Variants in TMX1 observed in about 807,000 individuals in gnomAD.
The protein encoded by TMX1 is thioredoxin-related transmembrane protein 1.
A neutral mutation model predicts 36.6 loss-of-function variants in TMX1; 25 were observed. That is an observed-to-expected ratio of 0.68 (90% CI 0.50 to 0.95). The LOEUF is 0.95. TMX1 is among the 40% of genes least tolerant of loss of function. The pLI is 0.00. For synonymous variants in TMX1, 133 were observed against 118.0 expected, an observed-to-expected ratio of 1.13 and a Z score of -0.82; for missense variants, 347 against 339.6, an observed-to-expected ratio of 1.02 and a Z score of -0.17.
Position 51,254,401 on chromosome 14 carries a change from A to G in TMX1, c.725A>G (p.Asp242Gly), listed in dbSNP as rs781512607. The G allele has an allele frequency of 1.9e-6, 3 of 1,612,512 alleles. No homozygotes were observed. The highest frequency in any genetic ancestry group is 2.5e-6 in the Non-Finnish European group (3 of 1,179,244). ...AAAGTGGAGGAGGAACAAGAGGCGG[A>G]TGAAGAAGATGTTTCAGAAGAAGAA... ...LKKVEEEQEA[D>G]EEDVSEEEAE... The change falls in exon 8 of 8, where the codon GAT (aspartate) becomes GGT (glycine). Residue 242 changes from aspartate (D) to glycine (G), a missense_variant. Physicochemically the swap from Asp to Gly is moderately conservative, Grantham distance 94. Transcript: ENST00000457354.
intron 2 of TMX1, 46 bp downstream of exon 2, chr14:51,244,017 G>T: frequency 6.8e-7 from 1 of 1,463,550 alleles, no homozygotes; most frequent in South Asian, 1.3e-5. Context: ...TGTTTGGGTT[G>T]ATATATTTAT....
chr14:51,249,894 G>T, intron 7 of TMX1, 129 bp downstream of exon 7: 1 of 666,580 alleles, frequency 1.5e-6, no homozygotes, highest in Non-Finnish European at 2.5e-6. Flanking sequence ...GTCTTTATCA[G>T]CTATGGCATA....
At position 51,240,286 on chromosome 14, in the gene TMX1, C is replaced by G. The variant is rs765797441; in HGVS notation, c.-7C>G. ...CCGCGCTCCCTGTGAGGTGGGCAAG[C>G]GGCGAAATGGCGCCCTCCGGGAGTC... On this transcript the variant is annotated 5_prime_UTR_variant, in exon 1 of 8. Coordinates refer to ENST00000457354, the MANE Select transcript of TMX1 (RefSeq NM_030755.5). The G allele has an allele frequency of 3.1e-6, 5 of 1,608,458 alleles. No individual in the cohort carries two copies. The highest frequency in any genetic ancestry group is 2.7e-5 in the African/African-American group (2 of 74,890).
In TMX1 at chr14:51,256,452, A is replaced by G. The variant is rs2065839243; in HGVS notation, c.*1933A>G. 1 of 152,200 alleles carries G rather than the reference A, an allele frequency of 6.6e-6. No individual in the cohort carries two copies. Among genetic ancestry groups the G allele is most frequent in the South Asian group, 2.1e-4 (1 of 4,832 alleles). 9.4% of individuals were successfully genotyped at this position (152,200 alleles called of 1,614,324 possible). On this transcript the variant is annotated 3_prime_UTR_variant, in exon 8 of 8. Coordinates refer to ENST00000457354, the MANE Select transcript of TMX1 (RefSeq NM_030755.5). Reference sequence around the variant, plus strand: ...TGTCACTGTAGACATCTGAGTAATTAATTTTCAGTTAGTAACAGGCTTATA... The same window carrying G: ...TGTCACTGTAGACATCTGAGTAATTGATTTTCAGTTAGTAACAGGCTTATA...
intron 1 of TMX1, among the ~76,000 whole-genome samples, chr14:51,241,327 A>G (rs2065759794): frequency 6.6e-6 from 1 of 152,232 alleles, no homozygotes. Flanking sequence ...TATACATATT[A>G]GCAGTATTTA....
intron 7 of TMX1, among the ~76,000 whole-genome samples, chr14:51,253,317 C>T (rs192599169): frequency 6.6e-5 from 10 of 152,346 alleles, no homozygotes; most frequent in Admixed American, 5.9e-4. Context: ...AGGGCGAGAA[C>T]TTACCCTTGG....
At chr14:51,247,481 C>T (rs1032796785) in intron 4 of TMX1, among the ~76,000 whole-genome samples, 1 of 151,374 alleles carries the variant, frequency 6.6e-6, no homozygotes, top group African/African-American at 2.4e-5. Context: ...CTCAGCCTCC[C>T]GAGTAGCTGG....
At position 51,240,262 on chromosome 14, in the gene TMX1, C is replaced by G. The variant is rs553735530; in HGVS notation, c.-31C>G. On this transcript the variant is annotated 5_prime_UTR_variant, in exon 1 of 8. Coordinates refer to ENST00000457354, the MANE Select transcript of TMX1 (RefSeq NM_030755.5). Reference sequence around the variant, plus strand: ...CGAGGGCGGAAGTGGGAGCTGCGACCGCGCTCCCTGTGAGGTGGGCAAGCG... The same window carrying G: ...CGAGGGCGGAAGTGGGAGCTGCGACGGCGCTCCCTGTGAGGTGGGCAAGCG... 34 of 1,602,016 alleles carry G rather than the reference C, an allele frequency of 2.1e-5. No individual in the cohort carries two copies. Among genetic ancestry groups the G allele is most frequent in the Non-Finnish European group, 2.8e-5 (33 of 1,177,614 alleles).
rs149663589 is a variant in TMX1, at chr14:51,252,281, C to A, written c.665-2060C>A. On this transcript the variant is annotated intron_variant, in intron 7 of 7. Transcript: ENST00000457354. The stretch of plus-strand genomic sequence containing the variant: ...AGTAAAAGTCACTAAAGAAATCTTT[C>A]CCTTTAAATATCTGTTAATTTGGAG... 2.5e-3 allele frequency among the ~76,000 whole-genome samples: 379 copies of A among 149,322 alleles called. 30 individuals are homozygous for A. The highest frequency in any genetic ancestry group is 0.012 in the South Asian group (55 of 4,638).
intron 7 of TMX1, 76 bp from the exon 8 acceptor site, chr14:51,254,265 G>A: frequency 1.5e-6 from 2 of 1,352,014 alleles, no homozygotes; most frequent in Admixed American, 2.9e-5. Context: ...GGGCATATGA[G>A]ACATTGTATC....
intron 4 of TMX1, among the ~76,000 whole-genome samples, chr14:51,248,761 A>G (rs1046480915): frequency 6.6e-6 from 1 of 152,220 alleles, no homozygotes; most frequent in Non-Finnish European, 1.5e-5. Context: ...TTAATTATGT[A>G]AAATACTAAT....
Position 51,240,289 on chromosome 14 carries a change from C to T in TMX1, c.-4C>T, listed in dbSNP as rs1331485373. ...CGCTCCCTGTGAGGTGGGCAAGCGG[C>T]GAAATGGCGCCCTCCGGGAGTCTTG... On this transcript the variant is annotated 5_prime_UTR_variant, in exon 1 of 8. Transcript: ENST00000457354. 8 of 1,609,240 alleles carry T rather than the reference C, an allele frequency of 5.0e-6. No individual in the cohort carries two copies. Among genetic ancestry groups the T allele is most frequent in the Non-Finnish European group, 6.8e-6 (8 of 1,179,426 alleles).
chr14:51,247,409 T>C (rs966286419), intron 4 of TMX1, among the ~76,000 whole-genome samples, 189 bp downstream of exon 4: 2 of 141,448 alleles, frequency 1.4e-5, no homozygotes, highest in Non-Finnish European at 3.0e-5. Context: ...CAGGCTGGAG[T>C]GCAGTGGCGC....
intron 2 of TMX1, among the ~76,000 whole-genome samples, 187 bp from the exon 3 acceptor site, chr14:51,245,126 C>T (rs1263024963): frequency 1.3e-5 from 2 of 152,130 alleles, no homozygotes; most frequent in Admixed American, 6.5e-5. Flanking sequence ...AGATAATGTG[C>T]AGTATTGTGT....
At position 51,254,733 on chromosome 14, in the gene TMX1, C is replaced by G; in HGVS notation, c.*214C>G. On this transcript the variant is annotated 3_prime_UTR_variant, in exon 8 of 8. Transcript: ENST00000457354. ...ACAGTATGATGGTTTAAATAGTTCT[C>G]TAATTTTTGAAAAATCGTGCCAAGC... The G allele has an allele frequency of 5.5e-6, 2 of 365,446 alleles. No individual in the cohort carries two copies. Among genetic ancestry groups the G allele is most frequent in the Non-Finnish European group, 9.7e-6 (2 of 206,732 alleles). The allele number at this position is 365,446 out of a possible 1,614,324, so 22.6% of individuals were successfully genotyped here. A position where few individuals can be genotyped will look rare whatever the true frequency, so the allele number is the denominator to read the frequency against.
intron 4 of TMX1, 99 bp downstream of exon 4, chr14:51,247,319 T>C: frequency 7.7e-7 from 1 of 1,293,674 alleles, no homozygotes; most frequent in South Asian, 1.7e-5. Flanking sequence ...TTTCTTGAGC[T>C]GTTAAGGTAT....
chr14:51,251,267 C>T (rs1353235239), intron 7 of TMX1, among the ~76,000 whole-genome samples: 1 of 152,098 alleles, frequency 6.6e-6, no homozygotes, highest in East Asian at 1.9e-4. Context: ...CTATTCTGGG[C>T]TACTGGTATG....
At chr14:51,240,468 C>T (rs778842812) in intron 1 of TMX1, 24 bp downstream of exon 1, 2 of 1,609,666 alleles carry the variant, frequency 1.2e-6, no homozygotes, top group South Asian at 1.1e-5. Flanking sequence ...GGCCAGGGTC[C>T]TACGTCCGTG....
At chr14:51,250,132 C>T (rs1490071830) in intron 7 of TMX1, among the ~76,000 whole-genome samples, 2 of 152,160 alleles carry the variant, frequency 1.3e-5, no homozygotes, top group Non-Finnish European at 2.9e-5. Flanking sequence ...CTTTGAATGC[C>T]AGCCAACTGT....
Sources: gnomAD v4.1 joint callset for allele counts (sites outside exome capture counted in the v4.1 genomes callset) on GRCh38, gnomAD v4.1.1 for gene constraint, MANE v1.5 for transcripts, NCBI Gene and HGNC (gene_info 2026-07-23, HGNC 2026-07-21) for gene names.